The following LRRIQ1 variants were observed in gnomAD, a reference collection of about 807,000 sequenced individuals.
LRRIQ1 encodes the protein leucine-rich repeat- and IQ domain-containing protein 1.
In LRRIQ1, 210 loss-of-function variants were observed where a neutral mutation model predicts 211.9. The ratio of observed to expected loss-of-function variants is 0.99; its 90% CI spans 0.89 to 1.11. LRRIQ1 has a LOEUF of 1.11. LRRIQ1 is among the 50% of genes most tolerant of loss of function. The probability of loss-of-function intolerance (pLI) is 0.00; values close to 1 mark genes in which losing one functional copy is unlikely to be tolerated. For missense variants in LRRIQ1, 2,136 were observed against 1,939.5 expected (o/e 1.10, Z -1.90); for synonymous variants, 699 against 650.1 (o/e 1.08, Z -1.14).
intron 10 of LRRIQ1, among the ~76,000 whole-genome samples, chr12:85,069,021 T>A (rs1210743244): frequency 2.0e-5 from 3 of 151,734 alleles, no homozygotes; most frequent in Non-Finnish European, 4.4e-5. Context: ...ACATGTGCCA[T>A]GTTGGTGTGC....
intron 24 of LRRIQ1, among the ~76,000 whole-genome samples, chr12:85,175,723 T>G (rs1360021692): frequency 3.9e-5 from 6 of 152,166 alleles, no homozygotes; most frequent in Admixed American, 3.9e-4. Flanking sequence ...TTTCTACATA[T>G]GGCTAGCCAG....
At chr12:85,198,154 T>C (rs1893091857) in intron 24 of LRRIQ1, among the ~76,000 whole-genome samples, 1 of 125,778 alleles carries the variant, frequency 8.0e-6, no homozygotes, top group African/African-American at 3.2e-5. Context: ...TTATATTATG[T>C]ATTATATGTT....
intron 23 of LRRIQ1, among the ~76,000 whole-genome samples, chr12:85,154,416 T>C (rs1195310076): frequency 6.6e-6 from 1 of 151,350 alleles, no homozygotes; most frequent in Non-Finnish European, 1.5e-5. Flanking sequence ...AAAGAGTATC[T>C]GTTTCACTCC....
At position 85,056,980 on chromosome 12, in the gene LRRIQ1, A is replaced by G. The variant is rs1191651521; in HGVS notation, c.2187A>G (p.Val729=). The stretch of plus-strand genomic sequence containing the variant: ...AACCTGATAGCATGACCTGCTGTGT[A>G]TCAGAGTCAACCCTTCTATATTCTA... ...APEPDSMTCC[V]SESTLLYSIE... The change falls in exon 8 of 27, where the codon GTA becomes GTG. Residue 729 remains valine, a synonymous_variant. Coordinates refer to ENST00000393217, the MANE Select transcript of LRRIQ1 (RefSeq NM_001079910.2). 2 of 1,610,498 alleles carry G rather than the reference A, an allele frequency of 1.2e-6. No homozygotes were observed. The highest frequency in any genetic ancestry group is 1.7e-6 in the Non-Finnish European group (2 of 1,178,588).
At chr12:85,159,302 G>T (rs1398929757) in intron 23 of LRRIQ1, among the ~76,000 whole-genome samples, 2 of 151,876 alleles carry the variant, frequency 1.3e-5, no homozygotes, top group Non-Finnish European at 2.9e-5. Context: ...GCCAATTATG[G>T]TTCTATGTAT....
At position 85,038,164 on chromosome 12, in the gene LRRIQ1, A is replaced by G. The variant is rs1219799123; in HGVS notation, c.-13A>G. ...ATTTTTTAAAGCAGTTCTGTGCTTT[A>G]TTATGAAGAATAATGGACGATGATG... On this transcript the variant is annotated 5_prime_UTR_variant, in exon 2 of 27. Coordinates refer to ENST00000393217, the MANE Select transcript of LRRIQ1 (RefSeq NM_001079910.2). The G allele has an allele frequency of 1.3e-6, 2 of 1,516,838 alleles. No individual in the cohort carries two copies. The highest frequency in any genetic ancestry group is 1.8e-6 in the Non-Finnish European group (2 of 1,129,072). The allele number at this position is 1,516,838 out of a possible 1,614,324, so 94.0% of individuals were successfully genotyped here.
downstream of LRRIQ1, among the ~76,000 whole-genome samples, chr12:85,268,979 G>A (rs894742585): frequency 5.9e-4 from 90 of 152,074 alleles, no homozygotes; most frequent in African/African-American, 2.1e-3. Flanking sequence ...AATGGGCAGG[G>A]AGCAGGTGTT....
rs1438089728 is a variant in LRRIQ1 at position 85,121,887 on chromosome 12, G to A, written c.3557+11G>A. ...TATAACTGGAAAAGGGTAAGATTGTGATCTTCCCATTGATGTATTTAGAAT... is the reference window on the plus strand; with the variant it reads ...TATAACTGGAAAAGGGTAAGATTGTAATCTTCCCATTGATGTATTTAGAAT... On this transcript the variant is annotated intron_variant, in intron 16 of 26. Transcript: ENST00000393217. The A allele has an allele frequency of 1.3e-6, 2 of 1,570,728 alleles. No individual in the cohort carries two copies. Among genetic ancestry groups the A allele is most frequent in the Admixed American group, 1.8e-5 (1 of 54,192 alleles).
intron 11 of LRRIQ1, among the ~76,000 whole-genome samples, chr12:85,081,637 G>T (rs182518979): frequency 6.6e-6 from 1 of 151,276 alleles, no homozygotes; most frequent in East Asian, 1.9e-4. Flanking sequence ...ATTTAACTCC[G>T]CAAGGAAAAC....
At chr12:85,127,688 G>A (rs1020981710) in intron 17 of LRRIQ1, 144 bp from the exon 18 acceptor site, 13 of 681,252 alleles carry the variant, frequency 1.9e-5, no homozygotes, top group Non-Finnish European at 2.9e-5. Flanking sequence ...CTATGACAAT[G>A]GTTAAACAAA....
In LRRIQ1 at chr12:85,066,756, T is replaced by C; in HGVS notation, c.2553T>C (p.His851=). The C allele has an allele frequency of 6.3e-7, 1 of 1,586,666 alleles. No homozygotes were observed. The part of the protein sequence containing the change: ...KLKYIDAQEN[H]IEAIECENLE... ...TTTGTTCTTTGCTTCAGGAAAACCA[T>C]ATTGAGGCTATTGAGTGTGAAAATT... The change falls in exon 10 of 27, where the codon CAT becomes CAC. Residue 851 remains histidine, a synonymous_variant. Coordinates refer to ENST00000393217, the MANE Select transcript of LRRIQ1 (RefSeq NM_001079910.2).
intron 8 of LRRIQ1, among the ~76,000 whole-genome samples, chr12:85,060,275 A>G (rs1231035059): frequency 1.3e-5 from 2 of 152,006 alleles, no homozygotes; most frequent in Non-Finnish European, 2.9e-5. Context: ...ATAAAGTTGA[A>G]AATACTAGAC....
intron 11 of LRRIQ1, among the ~76,000 whole-genome samples, chr12:85,094,175 G>A (rs1885657477): frequency 6.6e-6 from 1 of 152,266 alleles, no homozygotes; most frequent in East Asian, 1.9e-4. Flanking sequence ...TGGAGAGATA[G>A]CAACCAAAAT....
chr12:85,089,071 C>G (rs1046425086), intron 11 of LRRIQ1, among the ~76,000 whole-genome samples: 30 of 152,050 alleles, frequency 2.0e-4, no homozygotes, highest in Admixed American at 2.6e-4. Flanking sequence ...GATATTGGCT[C>G]TGGGTTTGTC....
chr12:85,129,531 A>G (rs1888609294), intron 18 of LRRIQ1, among the ~76,000 whole-genome samples: 1 of 152,210 alleles, frequency 6.6e-6, no homozygotes, highest in South Asian at 2.1e-4. Flanking sequence ...GGGAGTATCA[A>G]AGAAAAGCTT....
chr12:85,097,508 G>A (rs1205500325), intron 11 of LRRIQ1, among the ~76,000 whole-genome samples: 2 of 151,528 alleles, frequency 1.3e-5, no homozygotes, highest in African/African-American at 4.9e-5. Context: ...AACATGCGGT[G>A]TTTGGTTTTC....
At chr12:85,218,408 T>TA (rs1342670860) in intron 24 of LRRIQ1, among the ~76,000 whole-genome samples, 1 of 152,028 alleles carries the variant, frequency 6.6e-6, no homozygotes, top group African/African-American at 2.4e-5. Context: ...CTTTTTTAAA[T>TA]AAAAAATAGT....
At chr12:85,255,333 A>G (rs1255304248) in intron 1 of LRRIQ1, among the ~76,000 whole-genome samples, 1 of 151,870 alleles carries the variant, frequency 6.6e-6, no homozygotes, top group Non-Finnish European at 1.5e-5. Flanking sequence ...ATTGCCTGAT[A>G]TCCACTATCT....
At chr12:85,265,060 G>A (rs139109898), downstream of LRRIQ1, among the ~76,000 whole-genome samples, 8 of 152,050 alleles carry the variant, frequency 5.3e-5, no homozygotes, top group Admixed American at 2.6e-4. Flanking sequence ...AGATAGCCCC[G>A]TCCCAAGGTC....
Sources: gnomAD v4.1 joint callset for allele counts (sites outside exome capture counted in the v4.1 genomes callset) on GRCh38, gnomAD v4.1.1 for gene constraint, MANE v1.5 for transcripts, NCBI Gene and HGNC (gene_info 2026-07-23, HGNC 2026-07-21) for gene names.